Variants in OLFM1 observed in about 807,000 individuals in gnomAD.
OLFM1 encodes the protein olfactomedin 1, also known as noelin.
Under a neutral mutation model 49.7 loss-of-function variants are expected in OLFM1, and 9 were observed. The observed-to-expected ratio is 0.18, with a 90% CI of 0.11 to 0.32. The LOEUF (loss-of-function observed/expected upper bound fraction) is 0.32. Ranked by LOEUF, OLFM1 falls within the 10% of genes least tolerant of loss-of-function variation. The pLI is 1.00. For missense variants in OLFM1, 369 were observed against 661.8 expected (o/e 0.56, Z 4.85); for synonymous variants, 240 against 271.8 (o/e 0.88, Z 1.15).
Position 135,109,104 on chromosome 9 carries a change from A to AC in OLFM1, c.783+2255dup, listed in dbSNP as rs1446537152. Among the ~76,000 whole-genome samples the AC allele has an allele frequency of 5.4e-5, 8 of 149,348 alleles. No homozygotes were observed. The South Asian group carries it at 6.4e-4, about 12-fold the overall frequency. On this transcript the variant is annotated intron_variant, in intron 5 of 5. Coordinates refer to ENST00000371793, the MANE Select transcript of OLFM1 (RefSeq NM_001282611.2). Reference sequence around the variant, plus strand: ...CTGGACTGCTCTGTCTGTATCTAACACCCCCCAGGACTGGACTGCTTTGTC... The same window carrying AC: ...CTGGACTGCTCTGTCTGTATCTAACACCCCCCCAGGACTGGACTGCTTTGTC...
intron 4 of OLFM1, among the ~76,000 whole-genome samples, chr9:135,100,675 C>T (rs542133669): frequency 1.4e-4 from 22 of 152,298 alleles, no homozygotes; most frequent in African/African-American, 1.2e-4. Context: ...AAATGCCACT[C>T]GATAGCTGTG....
chr9:135,088,164 G>T lies in OLFM1; in HGVS notation c.150+25G>T. 1.5e-6 allele frequency: 2 copies of T among 1,310,920 alleles called. No individual in the cohort carries two copies. Among genetic ancestry groups the T allele is most frequent in the Non-Finnish European group, 2.0e-6 (2 of 1,018,590 alleles). 81.2% of individuals were successfully genotyped at this position (1,310,920 alleles called of 1,614,324 possible). A position where few individuals can be genotyped will look rare whatever the true frequency, so the allele number is the denominator to read the frequency against. ...CGTAAGTGCGCCCGCCGGCCGCCTT[G>T]GCGCGGCTCCTCCTCCTCCTCCTCC... On this transcript the variant is annotated intron_variant, in intron 1 of 5. Transcript: ENST00000371793. This position sits in a 1 kb window ranked among gnomAD's most constrained non-coding sequence, Gnocchi z 4.8.
At chr9:135,108,046 G>T (rs906403036) in intron 5 of OLFM1, among the ~76,000 whole-genome samples, 2 of 152,186 alleles carry the variant, frequency 1.3e-5, no homozygotes, top group African/African-American at 4.8e-5. Context: ...CCCCAGCCTC[G>T]CATGGGAGTG....
intron 2 of OLFM1, among the ~76,000 whole-genome samples, chr9:135,094,283 G>A (rs1283386568): frequency 6.6e-6 from 1 of 152,208 alleles, no homozygotes; most frequent in Admixed American, 6.5e-5. Flanking sequence ...AAGCTGTGGG[G>A]GGACAGCTGT....
chr9:135,076,675 G>A (rs1178059674), intron 1 of OLFM1: 3 of 1,315,482 alleles, frequency 2.3e-6, no homozygotes, highest in Non-Finnish European at 3.0e-6. Context: ...TGATGCCACT[G>A]TGCCACGCTC....
rs961304343 is a variant in OLFM1, at chr9:135,098,743, G to A, written c.676+238G>A. The stretch of plus-strand genomic sequence containing the variant: ...CAGAGGCCACAGACCCCGCTGAGTC[G>A]CACATCTGGAAAAAAATAGCATACC... On this transcript the variant is annotated intron_variant, in intron 4 of 5. Coordinates refer to ENST00000371793, the MANE Select transcript of OLFM1 (RefSeq NM_001282611.2). The surrounding 1 kb of genome is among the most constrained non-coding windows in gnomAD (Gnocchi z 5.6). 1.3e-5 allele frequency among the ~76,000 whole-genome samples: 2 copies of A among 152,090 alleles called. No homozygotes were observed. Among genetic ancestry groups the A allele is most frequent in the Admixed American group, 1.3e-4 (2 of 15,284 alleles).
chr9:135,075,657 G>T, exon 1 of OLFM1: 1 of 1,381,376 alleles, frequency 7.2e-7, no homozygotes. Context: ...CAGAGCCGGA[G>T]CGCGTCCGCG....
chr9:135,093,411 G>C (rs1237870466), intron 2 of OLFM1, among the ~76,000 whole-genome samples: 1 of 152,222 alleles, frequency 6.6e-6, no homozygotes, highest in African/African-American at 2.4e-5. Context: ...CTGAGCCTTG[G>C]TCTCCCTATG....
In OLFM1 at chr9:135,080,877, C is replaced by A. The variant is rs768600485; in HGVS notation, c.96+5075C>A. 6.6e-6 allele frequency among the ~76,000 whole-genome samples: 1 copy of A among 151,948 alleles called. No homozygotes were observed. The highest frequency in any genetic ancestry group is 1.5e-5 in the Non-Finnish European group (1 of 68,010). ...CGCTGTCCCGACTGGCACCGCAGGG[C>A]GACCGAAGGGAGGGGAAGAGAGAAC... On this transcript the variant is annotated intron_variant, in intron 1 of 5. Coordinates refer to the OLFM1 transcript ENST00000252854. This position sits in a 1 kb window ranked among gnomAD's most constrained non-coding sequence, Gnocchi z 4.5.
chr9:135,086,518 G>A, upstream of OLFM1: 1 of 420,782 alleles, frequency 2.4e-6, no homozygotes. Context: ...TCCCATCCAG[G>A]AAGGGAGATT....
intron 1 of OLFM1, chr9:135,076,582 T>C: frequency 9.3e-7 from 1 of 1,080,210 alleles, no homozygotes; most frequent in South Asian, 1.8e-5. Flanking sequence ...CTGGGAGGGT[T>C]GCTTTGGCAC....
At chr9:135,076,486 T>C in intron 1 of OLFM1, 1 of 1,365,174 alleles carries the variant, frequency 7.3e-7, no homozygotes. Flanking sequence ...TAGAGAAAGG[T>C]CTCTGCTTGG....
In OLFM1 at chr9:135,079,822, TG is replaced by T. The variant is rs370014394; in HGVS notation, c.96+4024del. Among the ~76,000 whole-genome samples, 232 of 151,988 alleles carry T rather than the reference TG, an allele frequency of 1.5e-3. 10 individuals are homozygous for T. The South Asian group carries it at 0.045, about 29-fold the overall frequency. ...ACATGACACCCCTGGATGCCCCTGGTGGGGTTCAAGCTGTCAGTGAACACAG... is the reference window on the plus strand; with the variant it reads ...ACATGACACCCCTGGATGCCCCTGGTGGGTTCAAGCTGTCAGTGAACACAG... On this transcript the variant is annotated intron_variant, in intron 1 of 5. Coordinates refer to the OLFM1 transcript ENST00000252854.
Position 135,088,137 on chromosome 9 carries a change from G to A in OLFM1, c.148G>A (p.Gly50Ser). 7.4e-7 allele frequency: 1 copy of A among 1,343,668 alleles called. No individual in the cohort carries two copies. Among genetic ancestry groups the A allele is most frequent in the Non-Finnish European group, 9.7e-7 (1 of 1,033,806 alleles). 83.2% of individuals were successfully genotyped at this position (1,343,668 alleles called of 1,614,324 possible). Residue 50 changes from glycine (G) to serine (S), a missense_variant and splice_region_variant, in exon 1 of 6, where the codon GGC (glycine) becomes AGC (serine). By Grantham distance (56) the Gly-to-Ser change is moderately conservative (BLOSUM62 0). This residue lies in a region of OLFM1 where 55 missense variants were observed against 53.3 expected (regional missense o/e 1.03). Transcript: ENST00000371793. This position sits in a 1 kb window ranked among gnomAD's most constrained non-coding sequence, Gnocchi z 4.8. ...CGGCGGGACGCTGGACCGCAGCACC[G>A]GCGTAAGTGCGCCCGCCGGCCGCCT... is the stretch of plus-strand genomic sequence containing the variant. ...AGGGTLDRST[G>S]VLPTNPEESW...
chr9:135,106,976 G>A, intron 5 of OLFM1, 121 bp downstream of exon 5: 1 of 734,136 alleles, frequency 1.4e-6, no homozygotes, highest in Non-Finnish European at 2.2e-6. Flanking sequence ...TGGGCAGCTT[G>A]GTGCCTGGGG....
At position 135,117,348 on chromosome 9, in the gene OLFM1, C is replaced by A. The variant is rs1201287638; in HGVS notation, c.784-2156C>A. On this transcript the variant is annotated intron_variant, in intron 5 of 5. Transcript: ENST00000371793. The surrounding 1 kb of genome is among the most constrained non-coding windows in gnomAD (Gnocchi z 5.5). ...GGCACTTTTGCTGGATTAGGGGTGA[C>A]AATGAGTGATTACACTCACAGCATC... Among the ~76,000 whole-genome samples the A allele has an allele frequency of 4.6e-5, 7 of 152,322 alleles. No homozygotes were observed. The highest frequency in any genetic ancestry group is 3.3e-4 in the Admixed American group (5 of 15,306).
rs1325605984 is a variant in OLFM1 at position 135,119,535 on chromosome 9, G to A, written c.815G>A (p.Arg272His). ...TACATGGACGGCTATCACAACAACC[G>A]CTTCGTACGTGAGTACAAGTCCATG... ...VWYMDGYHNN[R>H]FVREYKSMVD... The change falls in exon 6 of 6, where the codon CGC (arginine) becomes CAC (histidine). Residue 272 changes from arginine (R) to histidine (H), a missense_variant. Physicochemically the swap from Arg to His is conservative, Grantham distance 29. Around this residue, in one of 3 missense-constraint regions of OLFM1, gnomAD observed 294 missense variants for 567.5 expected, o/e 0.52. Transcript: ENST00000371793. 10 of 1,611,632 alleles carry A rather than the reference G, an allele frequency of 6.2e-6. No homozygotes were observed. Among genetic ancestry groups the A allele is most frequent in the Non-Finnish European group, 7.6e-6 (9 of 1,178,366 alleles).
chr9:135,112,256 T>C (rs1425487901), intron 5 of OLFM1, among the ~76,000 whole-genome samples: 1 of 152,218 alleles, frequency 6.6e-6, no homozygotes, highest in African/African-American at 2.4e-5. Flanking sequence ...CCACCCGCCC[T>C]GTGGGGCTCT....
chr9:135,077,705 C>A (rs994892997), intron 1 of OLFM1, among the ~76,000 whole-genome samples: 2 of 152,240 alleles, frequency 1.3e-5, no homozygotes, highest in African/African-American at 4.8e-5. Context: ...CACAGGCTGT[C>A]TCAGGGGAAT....
Sources: gnomAD v4.1 joint callset for allele counts (sites outside exome capture counted in the v4.1 genomes callset) on GRCh38, gnomAD v4.1.1 for gene constraint, gnomAD v4.1.1 regional missense constraint, Gnocchi (gnomAD v3.1) non-coding constraint, MANE v1.5 for transcripts, NCBI Gene and HGNC (gene_info 2026-07-23, HGNC 2026-07-21) for gene names.